The following APC variants were observed in gnomAD, a reference collection of about 807,000 sequenced individuals.
APC encodes APC regulator of Wnt signaling pathway, also known as adenomatous polyposis coli protein.
APC carries 72 observed loss-of-function variants against 247.0 expected under a neutral mutation model. The observed-to-expected ratio is 0.29, with a 90% CI of 0.24 to 0.35. The LOEUF (loss-of-function observed/expected upper bound fraction) is 0.35. Among genes scored for constraint, APC ranks in the 10% least tolerant of loss-of-function variants. APC has a pLI of 1.00. For synonymous variants in APC, 1,254 were observed against 1,162.5 expected, an observed-to-expected ratio of 1.08 and a Z score of -1.60; for missense variants, 3,400 against 3,360.7, an observed-to-expected ratio of 1.01 and a Z score of -0.29.
chr5:112,728,619 A>G (rs985219987), intron 1 of APC, among the ~76,000 whole-genome samples: 3 of 144,890 alleles, frequency 2.1e-5, no homozygotes, highest in Admixed American at 7.3e-5. Flanking sequence ...ATTGGGTAAA[A>G]TGGTTGCCAG....
At chr5:112,749,679 G>A (rs1754094791) in intron 1 of APC, among the ~76,000 whole-genome samples, 5 of 151,508 alleles carry the variant, frequency 3.3e-5, no homozygotes, top group Admixed American at 2.6e-4. Flanking sequence ...GTAGAGGCGG[G>A]GTTTCACCAT....
rs184515783 is a variant in APC at position 112,813,632 on chromosome 5, C to A, written c.835-1863C>A. Among the ~76,000 whole-genome samples the A allele has an allele frequency of 2.3e-3, 350 of 152,038 alleles. 2 individuals are homozygous for A. Among genetic ancestry groups the A allele is most frequent in the African/African-American group, 8.1e-3 (337 of 41,510 alleles). ...GGGAAGAAAAGTTTCTAATACGTCA[C>A]CATAGCTGGGCTCATTGGCTCGTGC... On this transcript the variant is annotated intron_variant, in intron 8 of 15. Transcript: ENST00000257430.
At position 112,845,101 on chromosome 5, in the gene APC, TA is replaced by T. The variant is rs1766872426; in HGVS notation, c.*979del. 4.3e-6 allele frequency: 1 copy of T among 232,386 alleles called. No individual in the cohort carries two copies. The highest frequency in any genetic ancestry group is 6.1e-5 in the East Asian group (1 of 16,356). The allele number at this position is 232,386 out of a possible 1,614,324, so 14.4% of individuals were successfully genotyped here. A position where few individuals can be genotyped will look rare whatever the true frequency, so the allele number is the denominator to read the frequency against. ...TTCTTCAGCTTCTATGCATTAAGAG[TA>T]AAATTCCTCTTACTGTAATAAAAAC... is the stretch of plus-strand genomic sequence containing the variant. On this transcript the variant is annotated 3_prime_UTR_variant, in exon 16 of 16. Coordinates refer to ENST00000257430, the MANE Select transcript of APC (RefSeq NM_000038.6).
At chr5:112,718,487 G>A (rs982465534) in intron 1 of APC, among the ~76,000 whole-genome samples, 3 of 152,188 alleles carry the variant, frequency 2.0e-5, no homozygotes, top group Admixed American at 6.5e-5. Context: ...AGCCAATGCT[G>A]TTTTCACTGC....
chr5:112,725,057 C>G (rs1240391337), intron 1 of APC, among the ~76,000 whole-genome samples: 1 of 152,086 alleles, frequency 6.6e-6, no homozygotes, highest in East Asian at 1.9e-4. Flanking sequence ...AGTCTTGGCT[C>G]ACCGCAACCT....
In APC at chr5:112,838,981, G is replaced by T. The variant is rs730881225; in HGVS notation, c.3387G>T (p.Leu1129Phe). ...TTAATCAAAATGTAAGCCAGTCTTT[G>T]TGTCAAGAAGATGACTATGAAGATG... ...HGINQNVSQS[L>F]CQEDDYEDDK... The change falls in exon 16 of 16, where the codon TTG becomes TTT. Residue 1129 changes from leucine to phenylalanine, a missense_variant. Leu to Phe is a conservative substitution (Grantham distance 22). This residue lies in a region of APC where 715 missense variants were observed against 656.6 expected (regional missense o/e 1.09). Transcript: ENST00000257430. 3.7e-6 allele frequency: 6 copies of T among 1,613,934 alleles called. No homozygotes were observed. Among genetic ancestry groups the T allele is most frequent in the Non-Finnish European group, 5.1e-6 (6 of 1,180,004 alleles).
At position 112,838,619 on chromosome 5, in the gene APC, C is replaced by T. The variant is rs750459690; in HGVS notation, c.3025C>T (p.His1009Tyr). 7 of 1,613,978 alleles carry T rather than the reference C, an allele frequency of 4.3e-6. No homozygotes were observed. Among genetic ancestry groups the T allele is most frequent in the Non-Finnish European group, 2.5e-6 (3 of 1,180,016 alleles). ...QYPADLAHKI[H>Y]SANHMDDNDG... ...CCCAGCCGACCTAGCCCATAAAATACATAGTGCAAATCATATGGATGATAA... is the reference window on the plus strand; with the variant it reads ...CCCAGCCGACCTAGCCCATAAAATATATAGTGCAAATCATATGGATGATAA... Residue 1009 changes from histidine (H) to tyrosine (Y), a missense_variant, in exon 16 of 16, where the codon CAT becomes TAT. His to Tyr is a moderately conservative substitution (Grantham distance 83). Around this residue, in one of 9 missense-constraint regions of APC, gnomAD observed 715 missense variants for 656.6 expected, o/e 1.09. Transcript: ENST00000257430.
chr5:112,829,266 G>A (rs1764064078), intron 14 of APC: 11 of 335,348 alleles, frequency 3.3e-5, no homozygotes, highest in South Asian at 2.6e-4. Flanking sequence ...AGCCTCCTGA[G>A]TAGCTGGGAT....
At position 112,799,423 on chromosome 5, in the gene APC, A is replaced by G. The variant is rs548952105; in HGVS notation, c.730-1856A>G. Reference sequence around the variant, plus strand: ...CTTCCTCCACTCCCCATATCCTGTCAGCGAACCCGATCAGATTTACCTCTA... The same window carrying G: ...CTTCCTCCACTCCCCATATCCTGTCGGCGAACCCGATCAGATTTACCTCTA... On this transcript the variant is annotated intron_variant, in intron 7 of 15. Coordinates refer to ENST00000257430, the MANE Select transcript of APC (RefSeq NM_000038.6). Among the ~76,000 whole-genome samples the G allele has an allele frequency of 2.0e-5, 3 of 152,078 alleles. No homozygotes were observed. In the South Asian group the frequency reaches 6.2e-4, roughly 32 times the overall value.
intron 1 of APC, among the ~76,000 whole-genome samples, chr5:112,713,661 C>T (rs1185209875): frequency 6.6e-6 from 1 of 152,048 alleles, no homozygotes; most frequent in Non-Finnish European, 1.5e-5. Flanking sequence ...ATAAGCTGTA[C>T]ATAGGATTTC....
At chr5:112,812,775 A>G (rs186450110) in intron 8 of APC, among the ~76,000 whole-genome samples, 3 of 152,324 alleles carry the variant, frequency 2.0e-5, no homozygotes, top group Non-Finnish European at 2.9e-5. Context: ...TTATTCATTT[A>G]TATTCCTGGT....
chr5:112,748,024 A>G (rs1246813385), intron 1 of APC, among the ~76,000 whole-genome samples: 1 of 152,170 alleles, frequency 6.6e-6, no homozygotes, highest in Non-Finnish European at 1.5e-5. Flanking sequence ...CTACAAAGTC[A>G]AGTAGTTGCA....
chr5:112,749,995 C>T (rs1471639470), intron 1 of APC, among the ~76,000 whole-genome samples: 4 of 126,630 alleles, frequency 3.2e-5, no homozygotes, highest in Admixed American at 9.4e-5. Flanking sequence ...TGGAGTCTTG[C>T]TCTGTCTCCC....
chr5:112,844,326 T>G lies in APC; in HGVS notation c.*200T>G, dbSNP rs986124084. The stretch of plus-strand genomic sequence containing the variant: ...TTATTTTGGGAGGCACTCTTGATGG[T>G]TAGGAAAAAAATAGTAAAGCCAAGT... On this transcript the variant is annotated 3_prime_UTR_variant, in exon 16 of 16. Coordinates refer to ENST00000257430, the MANE Select transcript of APC (RefSeq NM_000038.6). The G allele has an allele frequency of 1.7e-6, 1 of 588,694 alleles. No homozygotes were observed. Among genetic ancestry groups the G allele is most frequent in the African/African-American group, 1.9e-5 (1 of 52,926 alleles). The allele number at this position is 588,694 out of a possible 1,614,324, so 36.5% of individuals were successfully genotyped here.
intron 4 of APC, among the ~76,000 whole-genome samples, chr5:112,773,353 G>A (rs1358241183): frequency 6.6e-6 from 1 of 152,100 alleles, no homozygotes; most frequent in African/African-American, 2.4e-5. Flanking sequence ...TCCAGAATCT[G>A]TAATAGAAAA....
chr5:112,719,352 G>A (rs2149653394), intron 1 of APC, among the ~76,000 whole-genome samples: 1 of 151,792 alleles, frequency 6.6e-6, no homozygotes, highest in East Asian at 1.9e-4. Context: ...CGAGTAGCTG[G>A]GATTACAGGT....
Position 112,842,572 on chromosome 5 carries a change from A to G in APC, c.6978A>G (p.Arg2326=), listed in dbSNP as rs2149977479. The part of the protein sequence containing the change: ...PLSRPIQSPG[R]NSISPGRNGI... ...GTAGACCTATACAGTCTCCTGGCCGAAACTCAATTTCCCCTGGTAGAAATG... is the reference window on the plus strand; with the variant it reads ...GTAGACCTATACAGTCTCCTGGCCGGAACTCAATTTCCCCTGGTAGAAATG... Residue 2326 remains arginine (R), a synonymous_variant, in exon 16 of 16, where the codon CGA becomes CGG. Coordinates refer to ENST00000257430, the MANE Select transcript of APC (RefSeq NM_000038.6). The G allele has an allele frequency of 6.2e-7, 1 of 1,613,864 alleles. No homozygotes were observed. Among genetic ancestry groups the G allele is most frequent in the Non-Finnish European group, 8.5e-7 (1 of 1,179,748 alleles).
At chr5:112,774,075 G>C (rs560547612) in intron 4 of APC, among the ~76,000 whole-genome samples, 1 of 152,160 alleles carries the variant, frequency 6.6e-6, no homozygotes, top group South Asian at 2.1e-4. Flanking sequence ...TATTAAATGA[G>C]GTATAGGTAT....
At chr5:112,731,942 A>G (rs935471906) in intron 1 of APC, among the ~76,000 whole-genome samples, 1 of 152,104 alleles carries the variant, frequency 6.6e-6, no homozygotes, top group Non-Finnish European at 1.5e-5. Context: ...TTGTATTTTT[A>G]GTAGAGACAG....
Sources: allele counts gnomAD v4.1 joint callset (sites outside exome capture counted in the v4.1 genomes callset), GRCh38; gene constraint gnomAD v4.1.1; regional missense constraint gnomAD v4.1.1; transcripts MANE v1.5; gene names NCBI Gene and HGNC (gene_info 2026-07-23, HGNC 2026-07-21).